Variants in TMEM132C observed in about 807,000 individuals in gnomAD.
TMEM132C encodes the protein protein phosphatase 1, regulatory subunit 152.
In TMEM132C, 29 loss-of-function variants were observed where a neutral mutation model predicts 61.4. The ratio of observed to expected loss-of-function variants is 0.47; its 90% CI spans 0.35 to 0.64. The LOEUF is 0.64. Among genes scored for constraint, TMEM132C ranks in the 30% least tolerant of loss-of-function variants. TMEM132C has a pLI of 0.00. For synonymous variants in TMEM132C, 656 were observed against 633.1 expected (o/e 1.04, Z -0.54); for missense variants, 1,408 against 1,476.9 (o/e 0.95, Z 0.76).
chr12:128,628,738 G>A (rs141575713), intron 4 of TMEM132C, among the ~76,000 whole-genome samples: 145 of 152,298 alleles, frequency 9.5e-4, no homozygotes, highest in African/African-American at 3.0e-3. Context: ...ACCCGGAGGC[G>A]AGGGACTCTG....
chr12:128,655,607 A>C (rs947334876), intron 4 of TMEM132C, among the ~76,000 whole-genome samples: 10 of 151,900 alleles, frequency 6.6e-5, no homozygotes, highest in African/African-American at 7.3e-5. Context: ...CTATTGCTGC[A>C]AATTAGGCTG....
At chr12:128,476,831 AT>A (rs76463986) in intron 2 of TMEM132C, among the ~76,000 whole-genome samples, 2 of 151,958 alleles carry the variant, frequency 1.3e-5, no homozygotes, top group Non-Finnish European at 2.9e-5. Flanking sequence ...GCAGCATTTG[AT>A]TTTATATTTG....
chr12:128,491,231 AG>A (rs1871707214), intron 2 of TMEM132C, among the ~76,000 whole-genome samples: 1 of 152,214 alleles, frequency 6.6e-6, no homozygotes, highest in South Asian at 2.1e-4. Context: ...AGAGACAAAA[AG>A]GGGTCAGATG....
At chr12:128,572,834 C>G (rs535367248) in intron 3 of TMEM132C, among the ~76,000 whole-genome samples, 1 of 152,234 alleles carries the variant, frequency 6.6e-6, no homozygotes, top group African/African-American at 2.4e-5. Flanking sequence ...GTGACTTGGT[C>G]CCACTAGAAA....
In TMEM132C at chr12:128,668,870, C is replaced by T. The variant is rs759988159; in HGVS notation, c.1306-547C>T. Among the ~76,000 whole-genome samples the T allele has an allele frequency of 4.6e-5, 7 of 152,274 alleles. No individual in the cohort carries two copies. In the South Asian group the frequency reaches 1.2e-3, roughly 27 times the overall value. ...TCCTCCTCCTCTGACCTTCATGGCTCCCTCTTATAAGGACTTTAGGATGAC... is the reference window on the plus strand; with the variant it reads ...TCCTCCTCCTCTGACCTTCATGGCTTCCTCTTATAAGGACTTTAGGATGAC... On this transcript the variant is annotated intron_variant, in intron 4 of 8. Coordinates refer to ENST00000435159, the MANE Select transcript of TMEM132C (RefSeq NM_001136103.3).
intron 2 of TMEM132C, among the ~76,000 whole-genome samples, chr12:128,529,757 G>T (rs1311628339): frequency 6.6e-6 from 1 of 152,176 alleles, no homozygotes; most frequent in Non-Finnish European, 1.5e-5. Flanking sequence ...CTGCACTCCA[G>T]CCTGGGTGAC....
intron 3 of TMEM132C, among the ~76,000 whole-genome samples, chr12:128,592,967 G>T (rs1304671059): frequency 2.0e-5 from 3 of 152,188 alleles, no homozygotes; most frequent in African/African-American, 4.8e-5. Context: ...AATTCTCATG[G>T]TTCTTCTCTC....
Position 128,525,341 on chromosome 12 carries a change from TC to T in TMEM132C, c.975-18615del, listed in dbSNP as rs1565962420. 9.4e-3 allele frequency among the ~76,000 whole-genome samples: 1,368 copies of T among 145,422 alleles called. 4 individuals are homozygous for T. The highest frequency in any genetic ancestry group is 0.031 in the Middle Eastern group (9 of 290). On this transcript the variant is annotated intron_variant, in intron 2 of 8. Coordinates refer to ENST00000435159, the MANE Select transcript of TMEM132C (RefSeq NM_001136103.3). ...ACTTCTCTCTCTCTCTCTCTCTCTCTCTTTCTCTCTCTCTCTCTCTCCCTCC... is the reference window on the plus strand; with the variant it reads ...ACTTCTCTCTCTCTCTCTCTCTCTCTTTTCTCTCTCTCTCTCTCTCCCTCC...
intron 1 of TMEM132C, among the ~76,000 whole-genome samples, chr12:128,360,797 A>C (rs1341670540): frequency 6.6e-6 from 1 of 152,126 alleles, no homozygotes; most frequent in Non-Finnish European, 1.5e-5. Flanking sequence ...GTCCATCCAC[A>C]CCTGCTTCTC....
At chr12:128,668,720 A>G (rs935497853) in intron 4 of TMEM132C, among the ~76,000 whole-genome samples, 1 of 150,242 alleles carries the variant, frequency 6.7e-6, no homozygotes, top group African/African-American at 2.5e-5. Context: ...GCAGGGCTGC[A>G]CTCCTTCTGG....
intron 4 of TMEM132C, among the ~76,000 whole-genome samples, chr12:128,638,577 T>A (rs576371407): frequency 6.6e-6 from 1 of 152,318 alleles, no homozygotes; most frequent in Admixed American, 6.5e-5. Context: ...GGTGAGGGCA[T>A]TGAGGCCTGA....
At chr12:128,599,665 AG>A (rs1323899539) in intron 3 of TMEM132C, among the ~76,000 whole-genome samples, 1 of 152,230 alleles carries the variant, frequency 6.6e-6, no homozygotes, top group Non-Finnish European at 1.5e-5. Context: ...GAGAAAAGGA[AG>A]GTTTTTTAAA....
At chr12:128,382,276 G>A (rs1874425028) in intron 1 of TMEM132C, among the ~76,000 whole-genome samples, 1 of 152,012 alleles carries the variant, frequency 6.6e-6, no homozygotes, top group Non-Finnish European at 1.5e-5. Flanking sequence ...TTATATAAAT[G>A]CTATCATACT....
intron 4 of TMEM132C, among the ~76,000 whole-genome samples, chr12:128,663,322 A>G (rs1167119129): frequency 1.3e-5 from 2 of 152,206 alleles, no homozygotes; most frequent in African/African-American, 2.4e-5. Flanking sequence ...GACATTTCGT[A>G]TGAGTAGGAC....
At chr12:128,612,558 T>C (rs1194332744) in intron 3 of TMEM132C, among the ~76,000 whole-genome samples, 3 of 152,210 alleles carry the variant, frequency 2.0e-5, no homozygotes, top group Non-Finnish European at 4.4e-5. Context: ...ACTTTCTGGC[T>C]GCAGAGGTTC....
chr12:128,367,795 T>A (rs997332551), intron 1 of TMEM132C, among the ~76,000 whole-genome samples: 1 of 152,202 alleles, frequency 6.6e-6, no homozygotes. Context: ...GTTCAAATGA[T>A]AATATTTTTG....
chr12:128,366,449 G>A (rs1298343404), intron 1 of TMEM132C, among the ~76,000 whole-genome samples: 1 of 152,116 alleles, frequency 6.6e-6, no homozygotes, highest in Non-Finnish European at 1.5e-5. Flanking sequence ...TGACCTTCTG[G>A]CTCCTCAGCT....
intron 2 of TMEM132C, among the ~76,000 whole-genome samples, chr12:128,526,926 G>C (rs1403117207): frequency 6.6e-6 from 1 of 152,170 alleles, no homozygotes; most frequent in African/African-American, 2.4e-5. Flanking sequence ...ATCATGCAGG[G>C]CCTTAAGGAA....
chr12:128,420,047 A>AT (rs199710784), intron 2 of TMEM132C, among the ~76,000 whole-genome samples: 1,621 of 151,784 alleles, frequency 0.011, 27 homozygotes, highest in African/African-American at 0.036. Flanking sequence ...AAAAAAAAAA[A>AT]TAGCTGGGCA....
Sources: allele counts gnomAD v4.1 joint callset (sites outside exome capture counted in the v4.1 genomes callset), GRCh38; gene constraint gnomAD v4.1.1; transcripts MANE v1.5; gene names NCBI Gene and HGNC (gene_info 2026-07-23, HGNC 2026-07-21).